The following NAV2 variants were observed in gnomAD, a reference collection of about 807,000 sequenced individuals.
NAV2 encodes the protein neuron navigator 2, also known as helicase, APC down-regulated 1.
NAV2 carries 54 observed loss-of-function variants against 223.2 expected under a neutral mutation model. The ratio of observed to expected loss-of-function variants is 0.24; its 90% confidence interval spans 0.19 to 0.30. The LOEUF (loss-of-function observed/expected upper bound fraction) is 0.30. Ranked by LOEUF, NAV2 falls within the 10% of genes least tolerant of loss-of-function variation. The pLI, the probability that NAV2 is intolerant of heterozygous loss-of-function variation, is 1.00. For synonymous variants in NAV2, 1,279 were observed against 1,239.3 expected (o/e 1.03, Z -0.67); for missense variants, 2,806 against 3,147.5 (o/e 0.89, Z 2.60).
chr11:19,981,794 G>A (rs1414825934), intron 10 of NAV2, among the ~76,000 whole-genome samples: 1 of 152,164 alleles, frequency 6.6e-6, no homozygotes, highest in Non-Finnish European at 1.5e-5. Flanking sequence ...TCTACCCTGA[G>A]TCACTCTATC....
rs2057328988 is a variant in NAV2 at position 20,045,355 on chromosome 11, C to A, written c.3587C>A (p.Pro1196His). Reference protein sequence around the residue: ...TNLQYRSLPRPSKSNSRNGAG... With the variant: ...TNLQYRSLPRHSKSNSRNGAG... ...CTTCAGTACCGGAGTTTGCCGAGGCCCAGTAAGTCCAACAGCCGGAACGGG... is the reference window on the plus strand; with the variant it reads ...CTTCAGTACCGGAGTTTGCCGAGGCACAGTAAGTCCAACAGCCGGAACGGG... The change falls in exon 14 of 38, where the codon CCC (proline) becomes CAC (histidine). Residue 1196 changes from proline (P) to histidine (H), a missense_variant. By Grantham distance (77) the Pro-to-His change is moderately conservative. Transcript: ENST00000349880. The A allele has an allele frequency of 6.2e-7, 1 of 1,614,000 alleles. No individual in the cohort carries two copies. Among genetic ancestry groups the A allele is most frequent in the Non-Finnish European group, 8.5e-7 (1 of 1,180,024 alleles).
intron 1 of NAV2, among the ~76,000 whole-genome samples, chr11:19,579,089 A>G (rs1280222030): frequency 6.6e-6 from 1 of 152,186 alleles, no homozygotes; most frequent in Non-Finnish European, 1.5e-5. Context: ...TAAAAGCCAT[A>G]TGATGTGTAC....
At chr11:19,367,408 G>A (rs1848322981) in intron 1 of NAV2, among the ~76,000 whole-genome samples, 1 of 152,094 alleles carries the variant, frequency 6.6e-6, no homozygotes, top group South Asian at 2.1e-4. Flanking sequence ...TTGAAAATGA[G>A]CTTTTCAAGA....
chr11:19,868,379 G>T (rs568146422), intron 3 of NAV2, among the ~76,000 whole-genome samples: 1 of 152,138 alleles, frequency 6.6e-6, no homozygotes, highest in African/African-American at 2.4e-5. Context: ...ACAGACTCTC[G>T]TGGGTCCTTT....
intron 1 of NAV2, among the ~76,000 whole-genome samples, chr11:19,724,976 G>A (rs1246602373): frequency 6.6e-6 from 1 of 152,210 alleles, no homozygotes; most frequent in Non-Finnish European, 1.5e-5. Flanking sequence ...GCCCTGTCAA[G>A]CCTCAATTTC....
chr11:19,479,103 T>C (rs1260165883), intron 1 of NAV2, among the ~76,000 whole-genome samples: 2 of 152,036 alleles, frequency 1.3e-5, no homozygotes, highest in African/African-American at 4.8e-5. Context: ...TGCAGTTCAT[T>C]TGGTGGCCCA....
At chr11:19,602,280 C>T (rs931458290) in intron 1 of NAV2, among the ~76,000 whole-genome samples, 1 of 150,156 alleles carries the variant, frequency 6.7e-6, no homozygotes, top group African/African-American at 2.5e-5. Flanking sequence ...CGAGTTCAGG[C>T]TATTTTCCTG....
intron 25 of NAV2, among the ~76,000 whole-genome samples, chr11:20,081,310 G>C (rs951904877): frequency 6.6e-6 from 1 of 152,098 alleles, no homozygotes; most frequent in Non-Finnish European, 1.5e-5. Context: ...TCATATTGCT[G>C]TCTCTAATAT....
chr11:20,022,426 G>A (rs775669303), intron 11 of NAV2: 14 of 365,380 alleles, frequency 3.8e-5, no homozygotes, highest in Non-Finnish European at 4.9e-5. Context: ...AGTAGCCTGC[G>A]GAATTAATGC....
At chr11:20,005,566 G>GA (rs59651537) in intron 11 of NAV2, among the ~76,000 whole-genome samples, 1,990 of 138,994 alleles carry the variant, frequency 0.014, 38 homozygotes, top group African/African-American at 0.046. Flanking sequence ...TTAAAAAAAA[G>GA]AAAAAAAAAA....
intron 25 of NAV2, among the ~76,000 whole-genome samples, chr11:20,081,872 G>A (rs550804976): frequency 6.6e-6 from 1 of 152,200 alleles, no homozygotes; most frequent in South Asian, 2.1e-4. Context: ...ATTAGTTTTT[G>A]GCCTAGAAAA....
intron 1 of NAV2, among the ~76,000 whole-genome samples, chr11:19,705,841 G>A (rs1290273414): frequency 6.6e-6 from 1 of 152,136 alleles, no homozygotes; most frequent in East Asian, 1.9e-4. Flanking sequence ...TCTTCACACT[G>A]CTCTGGCTAC....
At chr11:19,588,169 G>C (rs74317117) in intron 1 of NAV2, among the ~76,000 whole-genome samples, 1,963 of 152,326 alleles carry the variant, frequency 0.013, 30 homozygotes, top group South Asian at 0.04. Flanking sequence ...TTTCGGGCCA[G>C]TTCAAAGGTA....
At chr11:19,955,122 G>C (rs941962009) in intron 10 of NAV2, among the ~76,000 whole-genome samples, 1 of 152,098 alleles carries the variant, frequency 6.6e-6, no homozygotes, top group African/African-American at 2.4e-5. Flanking sequence ...ATAAATATTT[G>C]TTGGCTGGGC....
At chr11:19,770,741 A>G (rs998047554) in intron 1 of NAV2, among the ~76,000 whole-genome samples, 3 of 152,150 alleles carry the variant, frequency 2.0e-5, no homozygotes, top group Admixed American at 6.5e-5. Flanking sequence ...TTTACCCTGA[A>G]CGCCTTCTAT....
intron 1 of NAV2, among the ~76,000 whole-genome samples, chr11:19,664,718 G>A (rs2048365522): frequency 6.6e-6 from 1 of 152,158 alleles, no homozygotes; most frequent in Non-Finnish European, 1.5e-5. Flanking sequence ...TGACCCATTA[G>A]CTATACCTTG....
At chr11:19,616,381 T>A (rs2046794299) in intron 1 of NAV2, among the ~76,000 whole-genome samples, 1 of 151,850 alleles carries the variant, frequency 6.6e-6, no homozygotes, top group South Asian at 2.1e-4. Flanking sequence ...CCCCTATGTG[T>A]GTGTATTGCA....
chr11:19,425,736 T>A (rs979706409), intron 1 of NAV2, among the ~76,000 whole-genome samples: 2 of 152,222 alleles, frequency 1.3e-5, no homozygotes, highest in South Asian at 2.1e-4. Context: ...TTTTAACCCT[T>A]CTTAGTTCTG....
intron 31 of NAV2, among the ~76,000 whole-genome samples, chr11:20,099,296 C>G (rs923632167): frequency 6.6e-6 from 1 of 152,160 alleles, no homozygotes; most frequent in Non-Finnish European, 1.5e-5. Context: ...CGACAAGAAC[C>G]CTTTAAGGAG....
Sources: allele counts gnomAD v4.1 joint callset (sites outside exome capture counted in the v4.1 genomes callset), GRCh38; gene constraint gnomAD v4.1.1; transcripts MANE v1.5; gene names NCBI Gene and HGNC (gene_info 2026-07-23, HGNC 2026-07-21).